RASA3: variants seen among roughly 807,000 people sequenced by gnomAD.
The protein encoded by RASA3 is ras GTPase-activating protein 3.
RASA3 carries 73 observed loss-of-function variants against 110.0 expected under a neutral mutation model. The observed-to-expected ratio is 0.66, with a 90% CI of 0.55 to 0.81. The LOEUF (loss-of-function observed/expected upper bound fraction) is 0.81. Among genes scored for constraint, RASA3 ranks in the 30% least tolerant of loss-of-function variants. RASA3 has a pLI of 0.00. For synonymous variants in RASA3, 500 were observed against 451.4 expected, an observed-to-expected ratio of 1.11 and a Z score of -1.37; for missense variants, 976 against 1,113.2, an observed-to-expected ratio of 0.88 and a Z score of 1.75.
chr13:114,057,560 G>T lies in RASA3; in HGVS notation c.174-5405C>A. 1 of 965,364 alleles carries T rather than the reference G, an allele frequency of 1.0e-6. No homozygotes were observed. Among genetic ancestry groups the T allele is most frequent in the Non-Finnish European group, 1.2e-6 (1 of 811,722 alleles). The allele number at this position is 965,364 out of a possible 1,614,324, so 59.8% of individuals were successfully genotyped here. A position where few individuals can be genotyped will look rare whatever the true frequency, so the allele number is the denominator to read the frequency against. On this transcript the variant is annotated intron_variant, in intron 2 of 23. Coordinates refer to ENST00000334062, the MANE Select transcript of RASA3 (RefSeq NM_007368.4). This position sits in a 1 kb window ranked among gnomAD's most constrained non-coding sequence, Gnocchi z 5.0. The stretch of plus-strand genomic sequence containing the variant: ...AAGGGCGATTCCAGGGACAGTGGAG[G>T]CCCCCACAGGAAGGAAACCTCTCCC...
At chr13:114,034,380 G>T (rs72659545) in intron 4 of RASA3, among the ~76,000 whole-genome samples, 2 of 152,124 alleles carry the variant, frequency 1.3e-5, no homozygotes, top group East Asian at 1.9e-4. Context: ...GACTGCATGT[G>T]GGGGGTCCTG....
intron 23 of RASA3, 34 bp from the exon 24 acceptor site, chr13:113,979,456 A>T: frequency 1.3e-6 from 2 of 1,515,650 alleles, no homozygotes; most frequent in Non-Finnish European, 1.8e-6. Context: ...AATGAGGCAC[A>T]GACCCCGTTG....
At chr13:114,068,302 C>G (rs1215527994) in intron 2 of RASA3, among the ~76,000 whole-genome samples, 2 of 152,262 alleles carry the variant, frequency 1.3e-5, no homozygotes, top group Admixed American at 1.3e-4. Flanking sequence ...GACCCAGAAC[C>G]CTGAGGCAGA....
At chr13:114,051,215 G>A (rs538596765) in intron 3 of RASA3, among the ~76,000 whole-genome samples, 26 of 152,294 alleles carry the variant, frequency 1.7e-4, no homozygotes, top group Admixed American at 4.6e-4. Flanking sequence ...TGAAGACGAG[G>A]AGCCTGCACC....
chr13:114,132,062 C>T (rs1456957814), intron 1 of RASA3, among the ~76,000 whole-genome samples: 3 of 152,228 alleles, frequency 2.0e-5, no homozygotes, highest in Admixed American at 6.5e-5. Flanking sequence ...AGTGCAGGCG[C>T]CCAGACAGCC....
intron 5 of RASA3, among the ~76,000 whole-genome samples, chr13:114,028,195 G>T (rs1274951664): frequency 7.3e-6 from 1 of 137,776 alleles, no homozygotes. Flanking sequence ...CTAAAGCAGC[G>T]TCATCGGGGG....
chr13:114,015,132 G>T (rs944147520), intron 14 of RASA3, 77 bp downstream of exon 14: 15 of 1,574,354 alleles, frequency 9.5e-6, no homozygotes, highest in African/African-American at 4.0e-5. Context: ...GCTGCGGGGG[G>T]TTCTGCCTGG....
intron 23 of RASA3, among the ~76,000 whole-genome samples, chr13:113,981,197 T>C (rs374556383): frequency 4.6e-5 from 7 of 152,202 alleles, no homozygotes; most frequent in African/African-American, 1.7e-4. Flanking sequence ...AAGCGCCACC[T>C]AGCCTGCAGC....
chr13:114,105,517 C>T (rs1359839721), intron 1 of RASA3, among the ~76,000 whole-genome samples: 1 of 152,206 alleles, frequency 6.6e-6, no homozygotes, highest in Non-Finnish European at 1.5e-5. Flanking sequence ...CTGGCAGCCC[C>T]CCTCCTCCAG....
chr13:114,094,685 A>T (rs1294752035), intron 1 of RASA3, among the ~76,000 whole-genome samples: 1 of 152,280 alleles, frequency 6.6e-6, no homozygotes, highest in Non-Finnish European at 1.5e-5. Flanking sequence ...CACATGCATC[A>T]CATTCTACCT....
chr13:114,033,837 A>G (rs2054229286), intron 4 of RASA3, among the ~76,000 whole-genome samples: 1 of 152,160 alleles, frequency 6.6e-6, no homozygotes, highest in Non-Finnish European at 1.5e-5. Context: ...GCAGCCCCAG[A>G]GCAGGTCCTG....
chr13:114,018,328 G>T (rs1374817951), intron 10 of RASA3, 76 bp from the exon 11 acceptor site: 1 of 1,466,672 alleles, frequency 6.8e-7, no homozygotes, highest in Non-Finnish European at 9.1e-7. Context: ...CTTGGCTGGG[G>T]TCTCACTTCC....
At chr13:114,070,235 C>T (rs1422399433) in intron 2 of RASA3, among the ~76,000 whole-genome samples, 19 of 131,678 alleles carry the variant, frequency 1.4e-4, no homozygotes, top group Admixed American at 5.3e-4. Flanking sequence ...ATGGGAGACT[C>T]GGGGACCAGG....
intron 2 of RASA3, among the ~76,000 whole-genome samples, chr13:114,063,493 A>T (rs2079396997): frequency 6.6e-6 from 1 of 152,174 alleles, no homozygotes; most frequent in Non-Finnish European, 1.5e-5. Flanking sequence ...GGAAATACGG[A>T]TAAATTTTTT....
At chr13:114,013,934 CCCTG>C (rs2053724156) in intron 14 of RASA3, among the ~76,000 whole-genome samples, 5 of 120,642 alleles carry the variant, frequency 4.1e-5, no homozygotes, top group Non-Finnish European at 5.0e-5. Flanking sequence ...GTCTCTCTCT[CCCTG>C]TCTCTATCTC....
At chr13:114,040,239 G>C (rs1432375773) in intron 4 of RASA3, among the ~76,000 whole-genome samples, 1 of 152,170 alleles carries the variant, frequency 6.6e-6, no homozygotes. Context: ...CCATGACAGA[G>C]CCTGCGCTCA....
At chr13:114,038,118 G>A (rs1360462240) in intron 4 of RASA3, among the ~76,000 whole-genome samples, 1 of 151,520 alleles carries the variant, frequency 6.6e-6, no homozygotes, top group East Asian at 1.9e-4. Flanking sequence ...AGCTACACCT[G>A]CCAATAAAAC....
intron 3 of RASA3, among the ~76,000 whole-genome samples, chr13:114,042,107 T>C (rs1050136428): frequency 2.0e-5 from 3 of 152,276 alleles, no homozygotes; most frequent in Non-Finnish European, 4.4e-5. Flanking sequence ...AATTCGCATC[T>C]GCAACCATTA....
Position 114,056,217 on chromosome 13 carries a change from C to A in RASA3, c.174-4062G>T, listed in dbSNP as rs546329970. The stretch of plus-strand genomic sequence containing the variant: ...ATGTGTGTCCGATGAATGTCCAGTG[C>A]GTGTCCAATGCGTGTCTGGTGAGTG... On this transcript the variant is annotated intron_variant, in intron 2 of 23. Coordinates refer to ENST00000334062, the MANE Select transcript of RASA3 (RefSeq NM_007368.4). The surrounding 1 kb of genome is among the most constrained non-coding windows in gnomAD (Gnocchi z 5.7). Among the ~76,000 whole-genome samples, 1 of 152,154 alleles carries A rather than the reference C, an allele frequency of 6.6e-6. No homozygotes were observed. Among genetic ancestry groups the A allele is most frequent in the Non-Finnish European group, 1.5e-5 (1 of 68,022 alleles).
Sources: allele counts gnomAD v4.1 joint callset (sites outside exome capture counted in the v4.1 genomes callset), GRCh38; gene constraint gnomAD v4.1.1; non-coding constraint Gnocchi (gnomAD v3.1); transcripts MANE v1.5; gene names NCBI Gene and HGNC (gene_info 2026-07-23, HGNC 2026-07-21).